Variants in TANK observed in about 807,000 individuals in gnomAD.
TANK encodes the protein TRAF family member associated NFKB activator.
In TANK, 15 loss-of-function variants were observed where a neutral mutation model predicts 43.6. The ratio of observed to expected loss-of-function variants is 0.34; its 90% CI spans 0.23 to 0.53. TANK has a LOEUF of 0.53. TANK is among the 20% of genes least tolerant of loss of function. The pLI is 0.94. For missense variants in TANK, 417 were observed against 498.6 expected, an observed-to-expected ratio of 0.84 and a Z score of 1.56; for synonymous variants, 162 against 178.2, an observed-to-expected ratio of 0.91 and a Z score of 0.73.
At chr2:161,177,278 TG>T (rs1249707069) in intron 1 of TANK, among the ~76,000 whole-genome samples, 2 of 152,284 alleles carry the variant, frequency 1.3e-5, no homozygotes, top group Admixed American at 6.5e-5. Flanking sequence ...TCCAAAACCC[TG>T]GAATTGTTTT....
chr2:161,143,151 GT>G (rs1401962953), intron 1 of TANK, among the ~76,000 whole-genome samples: 1 of 152,110 alleles, frequency 6.6e-6, no homozygotes, highest in Non-Finnish European at 1.5e-5. Flanking sequence ...AGGAATGCTT[GT>G]GATTTTTGCA....
At chr2:161,201,093 G>T (rs1376138254) in intron 2 of TANK, 1 of 985,134 alleles carries the variant, frequency 1.0e-6, no homozygotes. Flanking sequence ...TATGTGAAAA[G>T]TGTAGGAGGA....
intron 1 of TANK, among the ~76,000 whole-genome samples, chr2:161,148,694 A>G (rs1176022245): frequency 6.6e-6 from 1 of 152,026 alleles, no homozygotes; most frequent in African/African-American, 2.4e-5. Context: ...TAATTTTTGT[A>G]TGTGGTGTGA....
chr2:161,160,461 G>A lies in TANK; in HGVS notation c.-75G>A, dbSNP rs1684363158. 2 of 1,238,268 alleles carry A rather than the reference G, an allele frequency of 1.6e-6. No homozygotes were observed. The highest frequency in any genetic ancestry group is 2.0e-6 in the Non-Finnish European group (2 of 990,892). The allele number at this position is 1,238,268 out of a possible 1,614,324, so 76.7% of individuals were successfully genotyped here. ...AGGCGCCGGCGACCTGAGGGGAGAG[G>A]GAACGCAGCTGAAAGCGTGAACTGT... On this transcript the variant is annotated 5_prime_UTR_variant, in exon 1 of 8. Coordinates refer to ENST00000392749, the MANE Select transcript of TANK (RefSeq NM_001199135.3).
At chr2:161,231,646 C>CAGTA in intron 7 of TANK, 95 bp downstream of exon 7, 1 of 1,138,696 alleles carries the variant, frequency 8.8e-7, no homozygotes, top group South Asian at 1.4e-5. Context: ...TATCAAACAT[C>CAGTA]CTTTTTAAAC....
chr2:161,195,864 C>T (rs934303950), intron 2 of TANK, among the ~76,000 whole-genome samples: 1 of 152,098 alleles, frequency 6.6e-6, no homozygotes, highest in Non-Finnish European at 1.5e-5. Context: ...GCAGGCAGAT[C>T]ACTTGAGGTC....
intron 1 of TANK, among the ~76,000 whole-genome samples, chr2:161,164,644 C>A (rs1261542090): frequency 1.3e-5 from 2 of 152,078 alleles, no homozygotes; most frequent in African/African-American, 4.8e-5. Context: ...GGTACCAAGC[C>A]CTATGCAACT....
At chr2:161,216,787 A>G (rs1328970947) in intron 4 of TANK, among the ~76,000 whole-genome samples, 2 of 152,286 alleles carry the variant, frequency 1.3e-5, no homozygotes, top group Non-Finnish European at 2.9e-5. Flanking sequence ...ACAAGATGTT[A>G]ATGGAAAAAG....
At chr2:161,171,831 A>G (rs963498694) in intron 1 of TANK, among the ~76,000 whole-genome samples, 1 of 152,140 alleles carries the variant, frequency 6.6e-6, no homozygotes, top group Non-Finnish European at 1.5e-5. Flanking sequence ...CCATTTATGA[A>G]TCTTGTGTAG....
intron 4 of TANK, among the ~76,000 whole-genome samples, chr2:161,205,705 A>G (rs2105348920): frequency 6.6e-6 from 1 of 152,350 alleles, no homozygotes; most frequent in African/African-American, 2.4e-5. Context: ...TAATTTGCCT[A>G]AATTTCAATA....
In TANK at chr2:161,231,370, A is replaced by T; in HGVS notation, c.920A>T (p.Asp307Val). 1 of 1,614,208 alleles carries T rather than the reference A, an allele frequency of 6.2e-7. No homozygotes were observed. Among genetic ancestry groups the T allele is most frequent in the Non-Finnish European group, 8.5e-7 (1 of 1,180,032 alleles). ...GCTATACAAAACCTTAAAACAACTG[A>T]CAAAACAAAGCCCTCAAATCTCGTA... ...ASAIQNLKTT[D>V]KTKPSNLVNT... The change falls in exon 7 of 8, where the codon GAC becomes GTC. Residue 307 changes from aspartate to valine, a missense_variant. Coordinates refer to ENST00000392749, the MANE Select transcript of TANK (RefSeq NM_001199135.3).
At chr2:161,198,134 G>T (rs1686240388) in intron 2 of TANK, among the ~76,000 whole-genome samples, 1 of 152,150 alleles carries the variant, frequency 6.6e-6, no homozygotes, top group African/African-American at 2.4e-5. Flanking sequence ...ACAGTTATAT[G>T]CTTCCAAAAG....
chr2:161,190,677 A>C (rs960568709), intron 2 of TANK, among the ~76,000 whole-genome samples: 1 of 152,212 alleles, frequency 6.6e-6, no homozygotes, highest in Non-Finnish European at 1.5e-5. Flanking sequence ...TGGAGATGTT[A>C]TGCTAAGTTA....
intron 4 of TANK, among the ~76,000 whole-genome samples, chr2:161,220,024 C>G (rs1233055933): frequency 2.6e-5 from 4 of 152,156 alleles, no homozygotes; most frequent in South Asian, 2.1e-4. Flanking sequence ...ATTCTCGTTT[C>G]TGTTTTAAAA....
chr2:161,167,685 C>T (rs775936219), intron 1 of TANK, among the ~76,000 whole-genome samples: 4 of 151,934 alleles, frequency 2.6e-5, no homozygotes, highest in African/African-American at 4.8e-5. Flanking sequence ...TGCAGTGGCG[C>T]GATCTTGTCT....
chr2:161,183,574 T>C (rs1248002012), intron 2 of TANK, among the ~76,000 whole-genome samples: 2 of 152,128 alleles, frequency 1.3e-5, no homozygotes, highest in Admixed American at 6.5e-5. Context: ...TAACCCCTTA[T>C]CTGCTGTGGA....
intron 6 of TANK, among the ~76,000 whole-genome samples, chr2:161,229,515 A>G (rs1687802298): frequency 1.3e-5 from 2 of 152,226 alleles, no homozygotes; most frequent in Non-Finnish European, 2.9e-5. Context: ...TAATAATCCA[A>G]TAAGAAAGGA....
At chr2:161,155,127 T>C (rs569926040) in intron 1 of TANK, among the ~76,000 whole-genome samples, 2 of 152,166 alleles carry the variant, frequency 1.3e-5, no homozygotes, top group Non-Finnish European at 2.9e-5. Context: ...TCTTCAATTA[T>C]TAGAATGAGA....
At chr2:161,212,637 T>C in intron 4 of TANK, 1 of 985,384 alleles carries the variant, frequency 1.0e-6, no homozygotes. Flanking sequence ...TTCGAATGTC[T>C]CTAGTATGGC....
Sources: gnomAD v4.1 joint callset for allele counts (sites outside exome capture counted in the v4.1 genomes callset) on GRCh38, gnomAD v4.1.1 for gene constraint, MANE v1.5 for transcripts, NCBI Gene and HGNC (gene_info 2026-07-23, HGNC 2026-07-21) for gene names.